Variants in KIAA0319L observed in about 807,000 individuals in gnomAD.
KIAA0319L encodes KIAA0319 like, also known as dyslexia-associated protein KIAA0319-like protein.
KIAA0319L carries 55 observed loss-of-function variants against 120.1 expected under a neutral mutation model. The ratio of observed to expected loss-of-function variants is 0.46; its 90% CI spans 0.37 to 0.57. The LOEUF (loss-of-function observed/expected upper bound fraction) is 0.57, where lower values mean the gene tolerates loss of function less well. Ranked by LOEUF, KIAA0319L falls within the 20% of genes least tolerant of loss-of-function variation. The pLI, the probability that KIAA0319L is intolerant of heterozygous loss-of-function variation, is 0.00. For missense variants in KIAA0319L, 1,049 were observed against 1,255.3 expected, an observed-to-expected ratio of 0.84 and a Z score of 2.48; for synonymous variants, 398 against 471.9, an observed-to-expected ratio of 0.84 and a Z score of 2.03.
chr1:35,520,825 CAG>C (rs1275906080), intron 2 of KIAA0319L, among the ~76,000 whole-genome samples: 5 of 152,016 alleles, frequency 3.3e-5, no homozygotes, highest in Non-Finnish European at 7.4e-5. Flanking sequence ...ATGGGGGAGA[CAG>C]AGATTAAAAG....
rs1399532460 is a variant in KIAA0319L at position 35,478,988 on chromosome 1, C to T, written c.891G>A (p.Gln297=). The change falls in exon 4 of 21, where the codon CAG becomes CAA. Residue 297 remains glutamine, a synonymous_variant. Coordinates refer to ENST00000325722, the MANE Select transcript of KIAA0319L (RefSeq NM_024874.5). The stretch of plus-strand genomic sequence containing the variant: ...TACCTGGGTATGGTGCTGAGGTGCT[C>T]TGGAAAGAGGCCTGGGGGGTAGGGG... ...YATPTPQASF[Q]STSAPYPVIK... The T allele has an allele frequency of 2.5e-6, 4 of 1,614,100 alleles. No homozygotes were observed. Among genetic ancestry groups the T allele is most frequent in the Non-Finnish European group, 3.4e-6 (4 of 1,179,994 alleles).
intron 3 of KIAA0319L, among the ~76,000 whole-genome samples, chr1:35,484,791 TATATA>T (rs1196573742): frequency 1.5e-5 from 1 of 65,524 alleles, no homozygotes; most frequent in African/African-American, 5.2e-5. Context: ...TATATATATA[TATATA>T]TATATATATA....
chr1:35,502,519 C>A (rs1465560429), intron 3 of KIAA0319L, among the ~76,000 whole-genome samples: 1 of 151,408 alleles, frequency 6.6e-6, no homozygotes, highest in African/African-American at 2.4e-5. Context: ...TTAACACGTT[C>A]TTTGAGCTTG....
chr1:35,504,342 G>A (rs989869314), intron 3 of KIAA0319L, among the ~76,000 whole-genome samples: 8 of 151,972 alleles, frequency 5.3e-5, no homozygotes, highest in South Asian at 4.2e-4. Flanking sequence ...GACTACAGGC[G>A]CCTGCCACCA....
At position 35,537,615 on chromosome 1, in the gene KIAA0319L, TAAAA is replaced by T. The variant is rs58080321; in HGVS notation, c.142+16731_142+16734del. Among the ~76,000 whole-genome samples, 3 of 102,936 alleles carry T rather than the reference TAAAA, an allele frequency of 2.9e-5. No homozygotes were observed. In the South Asian group the frequency reaches 9.8e-4, roughly 34 times the overall value. 67.5% of individuals were successfully genotyped at this position (102,936 alleles called of 152,430 possible). ...TTTTGGAGCATTATGTAAGCGCCAT[TAAAA>T]AAAAAAAAAAAAAAAAAACTGCAGT... On this transcript the variant is annotated intron_variant, in intron 2 of 20. Coordinates refer to ENST00000325722, the MANE Select transcript of KIAA0319L (RefSeq NM_024874.5).
intron 2 of KIAA0319L, among the ~76,000 whole-genome samples, chr1:35,533,822 C>T (rs1414391082): frequency 6.6e-6 from 1 of 152,160 alleles, no homozygotes; most frequent in Non-Finnish European, 1.5e-5. Flanking sequence ...AACAAACCTC[C>T]TCAGGGGGCA....
At chr1:35,525,759 T>C (rs2148454711) in intron 2 of KIAA0319L, among the ~76,000 whole-genome samples, 1 of 152,344 alleles carries the variant, frequency 6.6e-6, no homozygotes, top group African/African-American at 2.4e-5. Context: ...GACAGATATT[T>C]TGCAAATATT....
intron 2 of KIAA0319L, among the ~76,000 whole-genome samples, chr1:35,530,015 T>C (rs1422303043): frequency 6.6e-6 from 1 of 152,000 alleles, no homozygotes; most frequent in Non-Finnish European, 1.5e-5. Context: ...ACTGGGTTAT[T>C]TTTAAAGACC....
chr1:35,495,657 G>GT lies in KIAA0319L; in HGVS notation c.666+10954dup, dbSNP rs200837544. Among the ~76,000 whole-genome samples, 1,144 of 151,988 alleles carry GT rather than the reference G, an allele frequency of 7.5e-3. 5 individuals carry two copies. Among genetic ancestry groups the GT allele is most frequent in the Non-Finnish European group, 0.013 (870 of 67,938 alleles). ...TTTGTTTGGTTTTGTTTGTTTGTTT[G>GT]TTGTTGTTTTTCTAAGATAGGGTCT... On this transcript the variant is annotated intron_variant, in intron 3 of 20. Transcript: ENST00000325722.
intron 10 of KIAA0319L, 178 bp from the exon 11 acceptor site, chr1:35,454,663 C>T: frequency 7.2e-7 from 1 of 1,389,190 alleles, no homozygotes; most frequent in South Asian, 1.7e-5. Context: ...AGGCACCTTG[C>T]TAAGGGTTTC....
intron 7 of KIAA0319L, among the ~76,000 whole-genome samples, chr1:35,465,901 C>T (rs1643228468): frequency 6.6e-6 from 1 of 152,142 alleles, no homozygotes; most frequent in Non-Finnish European, 1.5e-5. Context: ...TTGTCATCTA[C>T]ATAAGACGTG....
At position 35,442,850 on chromosome 1, in the gene KIAA0319L, T is replaced by TTCAGC. The variant is rs1558267459; in HGVS notation, c.2779+55_2779+56insGCTGA. ...GAAACACCAACACCCACCCACTCAGTGCAGAACCACATTCAGCGCCAAACA... is the reference window on the plus strand; with the variant it reads ...GAAACACCAACACCCACCCACTCAGTTCAGCGCAGAACCACATTCAGCGCCAAACA... On this transcript the variant is annotated intron_variant, in intron 18 of 20. Transcript: ENST00000325722. 4.3e-6 allele frequency: 7 copies of TTCAGC among 1,610,756 alleles called. No homozygotes were observed. The African/African-American group carries it at 9.4e-5, about 22-fold the overall frequency.
chr1:35,466,525 T>C, intron 7 of KIAA0319L, 83 bp downstream of exon 7: 1 of 927,976 alleles, frequency 1.1e-6, no homozygotes, highest in East Asian at 2.4e-5. Context: ...AAAATGAGAA[T>C]CAAAAACCCC....
At chr1:35,544,611 A>G (rs757372945) in intron 2 of KIAA0319L, among the ~76,000 whole-genome samples, 4 of 152,226 alleles carry the variant, frequency 2.6e-5, no homozygotes, top group Non-Finnish European at 5.9e-5. Context: ...TGTATATTCC[A>G]AGGTACATTA....
rs377665731 is a variant in KIAA0319L at position 35,521,812 on chromosome 1, A to G, written c.143-14677T>C. 3.0e-4 allele frequency among the ~76,000 whole-genome samples: 45 copies of G among 151,696 alleles called. No individual in the cohort carries two copies. The East Asian group carries it at 5.5e-3, about 18-fold the overall frequency. ...ACAGTGAAACCCCGTCTCTACTAAA[A>G]AATACAAAAAATTAGCCGGTCATGG... is the stretch of plus-strand genomic sequence containing the variant. On this transcript the variant is annotated intron_variant, in intron 2 of 20. Transcript: ENST00000325722.
At chr1:35,539,947 T>C (rs1352175676) in intron 2 of KIAA0319L, among the ~76,000 whole-genome samples, 1 of 152,226 alleles carries the variant, frequency 6.6e-6, no homozygotes, top group African/African-American at 2.4e-5. Flanking sequence ...TCTGGTAATA[T>C]TAGTCATTCC....
At chr1:35,494,293 C>G (rs1399774503) in intron 3 of KIAA0319L, among the ~76,000 whole-genome samples, 1 of 150,944 alleles carries the variant, frequency 6.6e-6, no homozygotes, top group Non-Finnish European at 1.5e-5. Context: ...CTAAAAAATA[C>G]AAAAAATTAG....
intron 6 of KIAA0319L, among the ~76,000 whole-genome samples, chr1:35,468,804 T>A (rs1643436052): frequency 6.6e-6 from 1 of 152,200 alleles, no homozygotes; most frequent in African/African-American, 2.4e-5. Flanking sequence ...CATAGCACAA[T>A]TATTAAAGGC....
At chr1:35,483,739 T>G (rs2149152931) in intron 3 of KIAA0319L, among the ~76,000 whole-genome samples, 1 of 152,342 alleles carries the variant, frequency 6.6e-6, no homozygotes, top group East Asian at 1.9e-4. Flanking sequence ...ATTTGTTTCC[T>G]AGAGCTGCCA....
Sources: gnomAD v4.1 joint callset for allele counts (sites outside exome capture counted in the v4.1 genomes callset) on GRCh38, gnomAD v4.1.1 for gene constraint, MANE v1.5 for transcripts, NCBI Gene and HGNC (gene_info 2026-07-23, HGNC 2026-07-21) for gene names.